BLK: variants seen among roughly 807,000 people sequenced by gnomAD.
BLK encodes BLK proto-oncogene, Src family tyrosine kinase.
BLK carries 64 observed loss-of-function variants against 61.8 expected under a neutral mutation model. The observed-to-expected ratio is 1.03, with a 90% CI of 0.85 to 1.27. The LOEUF (loss-of-function observed/expected upper bound fraction) is 1.27, where lower values mean the gene tolerates loss of function less well. Ranked by LOEUF, BLK falls within the 50% of genes most tolerant of loss-of-function variation. The probability of loss-of-function intolerance (pLI) is 0.00; values close to 1 mark genes in which losing one functional copy is unlikely to be tolerated. For synonymous variants in BLK, 351 were observed against 272.0 expected (o/e 1.29, Z -2.86); for missense variants, 853 against 660.5 (o/e 1.29, Z -3.19).
At chr8:11,553,848 G>A (rs978880135) in intron 6 of BLK, among the ~76,000 whole-genome samples, 4 of 152,212 alleles carry the variant, frequency 2.6e-5, no homozygotes, top group African/African-American at 9.6e-5. Context: ...GGAACTGACA[G>A]GAGAGGAAAG....
At chr8:11,510,692 G>T (rs1338800152) in intron 1 of BLK, among the ~76,000 whole-genome samples, 1 of 151,996 alleles carries the variant, frequency 6.6e-6, no homozygotes, top group African/African-American at 2.4e-5. Flanking sequence ...CCTACATACA[G>T]AGGTCCAGTA....
chr8:11,547,973 A>G (rs1430192623), intron 3 of BLK, 59 bp from the exon 4 acceptor site: 3 of 1,464,314 alleles, frequency 2.0e-6, no homozygotes, highest in Non-Finnish European at 1.9e-6. Context: ...GGCTCACCCC[A>G]GCCCCACCTT....
At chr8:11,501,928 T>G (rs1240319799) in intron 1 of BLK, among the ~76,000 whole-genome samples, 2 of 152,268 alleles carry the variant, frequency 1.3e-5, no homozygotes, top group Non-Finnish European at 2.9e-5. Flanking sequence ...CACAGTGTTC[T>G]AGCTACAGAC....
chr8:11,563,991 C>G lies in BLK; in HGVS notation c.1401C>G (p.Gly467=). ...PDTCPPELYR[G]VIAECWRSRP... Reference sequence around the variant, plus strand: ...CCTGCCCGCCCGAGCTGTACCGCGGCGTCATCGCCGAGTGCTGGCGCAGCC... The same window carrying G: ...CCTGCCCGCCCGAGCTGTACCGCGGGGTCATCGCCGAGTGCTGGCGCAGCC... The change falls in exon 13 of 13, where the codon GGC becomes GGG. Residue 467 remains glycine, a synonymous_variant. Transcript: ENST00000259089. 6.2e-7 allele frequency: 1 copy of G among 1,605,846 alleles called. No individual in the cohort carries two copies. Among genetic ancestry groups the G allele is most frequent in the Non-Finnish European group, 8.5e-7 (1 of 1,179,264 alleles).
At chr8:11,555,307 C>G in intron 7 of BLK, 25 bp from the exon 8 acceptor site, 1 of 1,613,880 alleles carries the variant, frequency 6.2e-7, no homozygotes, top group Non-Finnish European at 8.5e-7. Flanking sequence ...TAACCCCCAG[C>G]CCTGTCTTTT....
At chr8:11,558,445 G>A (rs546023854) in intron 10 of BLK, 4 of 361,700 alleles carry the variant, frequency 1.1e-5, no homozygotes, top group Middle Eastern at 1.0e-3. Flanking sequence ...AACATCTCCT[G>A]TAGGACTTCC....
chr8:11,513,349 G>A (rs1799096852), intron 1 of BLK, among the ~76,000 whole-genome samples: 1 of 152,216 alleles, frequency 6.6e-6, no homozygotes, highest in Non-Finnish European at 1.5e-5. Context: ...CCATAGTGGA[G>A]ACTGAGAGGG....
At chr8:11,521,855 C>G (rs79058294) in intron 1 of BLK, among the ~76,000 whole-genome samples, 2,835 of 152,274 alleles carry the variant, frequency 0.019, 59 homozygotes, top group African/African-American at 0.04. Context: ...TAGGAGGGGA[C>G]TCCTCTCTAT....
intron 1 of BLK, among the ~76,000 whole-genome samples, chr8:11,538,073 GAC>G (rs959195954): frequency 5.3e-5 from 8 of 151,942 alleles, no homozygotes; most frequent in Non-Finnish European, 8.8e-5. Context: ...TGCACACATA[GAC>G]ACACACACAC....
chr8:11,558,355 G>A, intron 10 of BLK: 1 of 398,038 alleles, frequency 2.5e-6, no homozygotes, highest in Admixed American at 3.5e-5. Context: ...GAAACACACA[G>A]AGTTAGCAAG....
At chr8:11,526,736 T>C (rs1002715307) in intron 1 of BLK, among the ~76,000 whole-genome samples, 2 of 152,152 alleles carry the variant, frequency 1.3e-5, no homozygotes, top group South Asian at 2.1e-4. Context: ...CAAAAAATTA[T>C]ATTCTGTTGT....
At chr8:11,510,669 C>G (rs1011513394) in intron 1 of BLK, among the ~76,000 whole-genome samples, 1 of 151,962 alleles carries the variant, frequency 6.6e-6, no homozygotes, top group Non-Finnish European at 1.5e-5. Context: ...TGAAAGAAAT[C>G]GAAAGATCTT....
In BLK at chr8:11,526,231, T is replaced by G. The variant is rs141380554; in HGVS notation, c.-1-16993T>G. Among the ~76,000 whole-genome samples, 204 of 152,312 alleles carry G rather than the reference T, an allele frequency of 1.3e-3. 1 individual carries two copies. Among genetic ancestry groups the G allele is most frequent in the Middle Eastern group, 6.8e-3 (2 of 294 alleles). ...TTCACCTGCACACTCCCCTCTCCAT[T>G]TCCTAGATTTTTATCAGCTGTTTTG... On this transcript the variant is annotated intron_variant, in intron 1 of 12. Transcript: ENST00000259089.
intron 6 of BLK, among the ~76,000 whole-genome samples, chr8:11,551,063 C>G (rs1305201044): frequency 6.6e-6 from 1 of 152,150 alleles, no homozygotes; most frequent in Non-Finnish European, 1.5e-5. Context: ...GATGGAAATC[C>G]TTCCTTGCTC....
chr8:11,554,350 C>T, intron 6 of BLK: 1 of 319,096 alleles, frequency 3.1e-6, no homozygotes, highest in African/African-American at 2.1e-5. Context: ...GAGATACCCT[C>T]TTTAGCCAGA....
At position 11,555,024 on chromosome 8, in the gene BLK, G is replaced by A; in HGVS notation, c.619+135G>A. 2.2e-6 allele frequency: 3 copies of A among 1,378,036 alleles called. No homozygotes were observed. The South Asian group carries it at 4.0e-5, about 18-fold the overall frequency. 85.4% of individuals were successfully genotyped at this position (1,378,036 alleles called of 1,614,324 possible). On this transcript the variant is annotated intron_variant, in intron 7 of 12. Transcript: ENST00000259089. ...ATTATCCCAAAGTTAGGCCTAAGGA[G>A]GTAGCAACTCTGAGCACCGGGAATT...
At chr8:11,504,078 C>A (rs759104538) in intron 1 of BLK, among the ~76,000 whole-genome samples, 2 of 152,268 alleles carry the variant, frequency 1.3e-5, no homozygotes, top group Middle Eastern at 3.4e-3. Context: ...AATCTCAGTA[C>A]TTTGGGAGGC....
Position 11,549,083 on chromosome 8 carries a change from G to T in BLK, c.329G>T (p.Ser110Ile), listed in dbSNP as rs775226143. The T allele has an allele frequency of 5.0e-6, 8 of 1,611,842 alleles. No homozygotes were observed. Among genetic ancestry groups the T allele is most frequent in the Non-Finnish European group, 6.8e-6 (8 of 1,179,192 alleles). Residue 110 changes from serine to isoleucine, a missense_variant, in exon 5 of 13, where the codon AGT becomes ATT. By Grantham distance (142) the Ser-to-Ile change is moderately radical. Coordinates refer to ENST00000259089, the MANE Select transcript of BLK (RefSeq NM_001715.3). ...ACAGGAAGAGAAGGCTATGTGCCCA[G>T]TAACTTTGTGGCCCGAGTGGAGAGC... Reference protein sequence around the residue: ...LVTGREGYVPSNFVARVESLE... With the variant: ...LVTGREGYVPINFVARVESLE...
intron 1 of BLK, among the ~76,000 whole-genome samples, chr8:11,527,062 T>G (rs6990222): frequency 0.027 from 4,154 of 152,274 alleles, 177 homozygotes; most frequent in African/African-American, 0.095. Context: ...GAGGACGTCC[T>G]AGTGTCGCTT....
Sources: allele counts gnomAD v4.1 joint callset (sites outside exome capture counted in the v4.1 genomes callset), GRCh38; gene constraint gnomAD v4.1.1; transcripts MANE v1.5; gene names NCBI Gene and HGNC (gene_info 2026-07-23, HGNC 2026-07-21).